Variants in GRB10 observed in about 807,000 individuals in gnomAD.
GRB10 encodes growth factor receptor bound protein 10.
Under a neutral mutation model 80.9 loss-of-function variants are expected in GRB10, and 20 were observed. That is an observed-to-expected ratio of 0.25 (90% CI 0.17 to 0.36). The LOEUF is 0.36. Among genes scored for constraint, GRB10 ranks in the 10% least tolerant of loss-of-function variants. The pLI, the probability that GRB10 is intolerant of heterozygous loss-of-function variation, is 1.00. For synonymous variants in GRB10, 291 were observed against 291.5 expected, an observed-to-expected ratio of 1.00 and a Z score of 0.02; for missense variants, 548 against 747.7, an observed-to-expected ratio of 0.73 and a Z score of 3.12.
chr7:50,705,948 C>T (rs958612704), intron 4 of GRB10, among the ~76,000 whole-genome samples: 4 of 152,202 alleles, frequency 2.6e-5, no homozygotes, highest in Non-Finnish European at 5.9e-5. Context: ...TACCTCCCAG[C>T]CCCAGCCCCT....
intron 2 of GRB10, among the ~76,000 whole-genome samples, chr7:50,760,484 G>GT (rs1313094356): frequency 6.6e-6 from 1 of 152,140 alleles, no homozygotes; most frequent in African/African-American, 2.4e-5. Flanking sequence ...ATGAAATGTA[G>GT]TATGTATCTA....
intron 3 of GRB10, among the ~76,000 whole-genome samples, chr7:50,749,122 G>GT (rs1236140828): frequency 1.8e-4 from 13 of 73,580 alleles, no homozygotes; most frequent in Admixed American, 5.2e-4. Context: ...GTTTTGTTTT[G>GT]TTTTTTTGTT....
At chr7:50,750,065 G>T (rs1198531182) in intron 3 of GRB10, among the ~76,000 whole-genome samples, 1 of 152,150 alleles carries the variant, frequency 6.6e-6, no homozygotes, top group Non-Finnish European at 1.5e-5. Flanking sequence ...CCAGGTGGGG[G>T]CAAAGAAAAA....
At chr7:50,668,073 G>A (rs977216039) in intron 7 of GRB10, among the ~76,000 whole-genome samples, 1 of 152,180 alleles carries the variant, frequency 6.6e-6, no homozygotes, top group Non-Finnish European at 1.5e-5. Flanking sequence ...ATGTGACAAA[G>A]TGCACAAGCC....
chr7:50,643,636 A>T (rs1277380077), intron 7 of GRB10, among the ~76,000 whole-genome samples: 1 of 152,246 alleles, frequency 6.6e-6, no homozygotes, highest in African/African-American at 2.4e-5. Flanking sequence ...TGACTTTGGT[A>T]ACTTTATTAT....
chr7:50,654,874 C>G (rs887654865), intron 7 of GRB10, among the ~76,000 whole-genome samples: 5 of 152,154 alleles, frequency 3.3e-5, no homozygotes, highest in African/African-American at 1.2e-4. Flanking sequence ...TGATCAAAAT[C>G]AGGAAATTAA....
Position 50,647,398 on chromosome 7 carries a change from C to T in GRB10, c.505-20420G>A, listed in dbSNP as rs150274157. Among the ~76,000 whole-genome samples, 1,143 of 152,300 alleles carry T rather than the reference C, an allele frequency of 7.5e-3. 14 individuals are homozygous for T. Among genetic ancestry groups the T allele is most frequent in the African/African-American group, 0.026 (1,091 of 41,552 alleles). On this transcript the variant is annotated intron_variant, in intron 7 of 18. Coordinates refer to ENST00000401949, the MANE Select transcript of GRB10 (RefSeq NM_001350814.2). Reference sequence around the variant, plus strand: ...TCAGATTTGAGTCAGATTGGCCGAACCTTTTCAAGCCATCTCAGGCCCAGC... The same window carrying T: ...TCAGATTTGAGTCAGATTGGCCGAATCTTTTCAAGCCATCTCAGGCCCAGC...
intron 5 of GRB10, among the ~76,000 whole-genome samples, chr7:50,701,568 A>C (rs1015014144): frequency 6.6e-6 from 1 of 152,188 alleles, no homozygotes; most frequent in Non-Finnish European, 1.5e-5. Context: ...TGGGTGAGAG[A>C]GCAAAACTTG....
intron 7 of GRB10, among the ~76,000 whole-genome samples, chr7:50,637,651 T>C (rs916842628): frequency 2.6e-5 from 4 of 152,024 alleles, no homozygotes; most frequent in Admixed American, 2.6e-4. Flanking sequence ...TTCAACATAA[T>C]TTCTATCAAA....
In GRB10 at chr7:50,592,706, C is replaced by T. The variant is rs570819386; in HGVS notation, c.*246G>A. 30 of 550,196 alleles carry T rather than the reference C, an allele frequency of 5.5e-5. No individual in the cohort carries two copies. The highest frequency in any genetic ancestry group is 1.9e-4 in the Admixed American group (6 of 32,382). 34.1% of individuals were successfully genotyped at this position (550,196 alleles called of 1,614,324 possible). A position where few individuals can be genotyped will look rare whatever the true frequency, so the allele number is the denominator to read the frequency against. ...TCATTCCAGTTTATTTTCAACTTTC[C>T]GCTGGATCTTCCATGCCCTCCCCAA... On this transcript the variant is annotated 3_prime_UTR_variant, in exon 19 of 19. Transcript: ENST00000401949.
chr7:50,703,695 A>C, intron 5 of GRB10, 126 bp downstream of exon 5: 1 of 707,906 alleles, frequency 1.4e-6, no homozygotes, highest in Non-Finnish European at 2.6e-6. Flanking sequence ...GTCCTTAATG[A>C]GAAAAGAAGA....
chr7:50,701,796 G>C (rs1403617074), intron 5 of GRB10, among the ~76,000 whole-genome samples: 2 of 152,192 alleles, frequency 1.3e-5, no homozygotes, highest in African/African-American at 2.4e-5. Context: ...GGGTGCCCAA[G>C]TCTTGCCTCA....
intron 2 of GRB10, among the ~76,000 whole-genome samples, chr7:50,777,990 G>A (rs78974426): frequency 0.11 from 17,143 of 152,148 alleles, 3,258 homozygotes; most frequent in African/African-American, 0.39. Context: ...AAATCTAGAT[G>A]ACAGGTTGAT....
At chr7:50,733,446 AT>A (rs1282588547) in intron 3 of GRB10, among the ~76,000 whole-genome samples, 1 of 152,238 alleles carries the variant, frequency 6.6e-6, no homozygotes, top group Non-Finnish European at 1.5e-5. Flanking sequence ...GAACAGAAGC[AT>A]CCCAGATCTG....
intron 7 of GRB10, among the ~76,000 whole-genome samples, chr7:50,643,912 C>T (rs933699425): frequency 6.6e-6 from 1 of 152,230 alleles, no homozygotes; most frequent in African/African-American, 2.4e-5. Context: ...CTTCTCTATA[C>T]ATTTGAAATT....
chr7:50,746,409 G>C (rs576697491), intron 3 of GRB10, among the ~76,000 whole-genome samples: 2 of 152,230 alleles, frequency 1.3e-5, no homozygotes, highest in East Asian at 3.9e-4. Context: ...GTCTTATGAT[G>C]GGTTTATCAG....
At position 50,724,445 on chromosome 7, in the gene GRB10, CTT is replaced by C. The variant is rs2068259601; in HGVS notation, c.51+7825_51+7826del. 2.6e-5 allele frequency among the ~76,000 whole-genome samples: 4 copies of C among 152,336 alleles called. No homozygotes were observed. The South Asian group carries it at 8.3e-4, about 32-fold the overall frequency. On this transcript the variant is annotated intron_variant, in intron 4 of 18. Coordinates refer to ENST00000401949, the MANE Select transcript of GRB10 (RefSeq NM_001350814.2). ...TAAACACATTTTCTCAATGTCTCTA[CTT>C]ATCATGAACTGGAAATAAACACGAC...
chr7:50,763,378 G>A (rs551346640), intron 2 of GRB10, among the ~76,000 whole-genome samples: 1 of 152,158 alleles, frequency 6.6e-6, no homozygotes, highest in Non-Finnish European at 1.5e-5. Context: ...CCAGAGTTGA[G>A]GATGGCTGAA....
chr7:50,704,330 T>A (rs2064717932), intron 4 of GRB10, among the ~76,000 whole-genome samples: 1 of 152,202 alleles, frequency 6.6e-6, no homozygotes, highest in South Asian at 2.1e-4. Context: ...TATAAATGGT[T>A]CCCTCTACAA....
Sources: allele counts gnomAD v4.1 joint callset (sites outside exome capture counted in the v4.1 genomes callset), GRCh38; gene constraint gnomAD v4.1.1; transcripts MANE v1.5; gene names NCBI Gene and HGNC (gene_info 2026-07-23, HGNC 2026-07-21).